Variants in CNTN3 observed in about 807,000 individuals in gnomAD.
CNTN3 encodes contactin 3.
CNTN3 carries 60 observed loss-of-function variants against 119.1 expected under a neutral mutation model. That is an observed-to-expected ratio of 0.50 (90% CI 0.41 to 0.62). CNTN3 has a LOEUF of 0.62. Among genes scored for constraint, CNTN3 ranks in the 20% least tolerant of loss-of-function variants. The pLI is 0.00. For synonymous variants in CNTN3, 450 were observed against 438.7 expected, an observed-to-expected ratio of 1.03 and a Z score of -0.32; for missense variants, 1,101 against 1,242.4, an observed-to-expected ratio of 0.89 and a Z score of 1.71.
chr3:74,502,347 C>T (rs1329845559), intron 2 of CNTN3, among the ~76,000 whole-genome samples: 3 of 152,042 alleles, frequency 2.0e-5, no homozygotes, highest in African/African-American at 7.2e-5. Context: ...CTCAAATGCC[C>T]ATCCTATCAT....
intron 20 of CNTN3, among the ~76,000 whole-genome samples, chr3:74,276,400 C>T (rs1001576590): frequency 6.6e-6 from 1 of 152,064 alleles, no homozygotes; most frequent in East Asian, 1.9e-4. Flanking sequence ...ATGAAATGAG[C>T]TTCAATAAAT....
chr3:74,342,016 A>T (rs1176999507), intron 11 of CNTN3, among the ~76,000 whole-genome samples: 25 of 152,294 alleles, frequency 1.6e-4, no homozygotes, highest in African/African-American at 5.3e-4. Flanking sequence ...TGTAGAAAAT[A>T]ACAAGGCTCT....
At chr3:74,523,238 G>A (rs1293782011) in intron 1 of CNTN3, among the ~76,000 whole-genome samples, 1 of 151,682 alleles carries the variant, frequency 6.6e-6, no homozygotes, top group African/African-American at 2.4e-5. Flanking sequence ...ATGCATTTGA[G>A]GAAACCGTGG....
At chr3:74,613,591 G>T (rs1705118889) in intron 1 of CNTN3, among the ~76,000 whole-genome samples, 1 of 152,156 alleles carries the variant, frequency 6.6e-6, no homozygotes, top group African/African-American at 2.4e-5. Context: ...GCAATACAGG[G>T]AAAGACATAC....
intron 5 of CNTN3, 94 bp downstream of exon 5, chr3:74,424,751 C>A: frequency 9.8e-7 from 1 of 1,018,056 alleles, no homozygotes; most frequent in South Asian, 1.4e-5. Flanking sequence ...TCAAGTTTCT[C>A]AGAGTAATTT....
At chr3:74,358,798 C>T (rs1362061844) in intron 11 of CNTN3, among the ~76,000 whole-genome samples, 2 of 127,562 alleles carry the variant, frequency 1.6e-5, no homozygotes, top group Non-Finnish European at 3.1e-5. Flanking sequence ...GTGTGATATT[C>T]CCCTTTCTGT....
At chr3:74,319,443 T>C (rs924600079) in intron 13 of CNTN3, among the ~76,000 whole-genome samples, 15 of 152,274 alleles carry the variant, frequency 9.9e-5, no homozygotes, top group African/African-American at 3.6e-4. Flanking sequence ...TAAATGGTGC[T>C]GGGAAAACTG....
At chr3:74,397,322 T>C (rs12495756) in intron 5 of CNTN3, among the ~76,000 whole-genome samples, 65,039 of 151,980 alleles carry the variant, frequency 0.43, 14,234 homozygotes, top group East Asian at 0.64. Context: ...TGTTCACTAA[T>C]GATGCACCCA....
At chr3:74,398,900 T>C (rs1057137835) in intron 5 of CNTN3, among the ~76,000 whole-genome samples, 2 of 152,220 alleles carry the variant, frequency 1.3e-5, no homozygotes, top group Non-Finnish European at 2.9e-5. Context: ...AATTGACACA[T>C]AATAATTGTA....
chr3:74,516,689 C>T (rs1357492481), intron 2 of CNTN3, among the ~76,000 whole-genome samples: 3 of 150,528 alleles, frequency 2.0e-5, no homozygotes, highest in Admixed American at 6.6e-5. Flanking sequence ...TTCTTAGGGG[C>T]CTGCCAGGCC....
intron 2 of CNTN3, among the ~76,000 whole-genome samples, chr3:74,512,056 C>T (rs1295630524): frequency 6.6e-6 from 1 of 152,054 alleles, no homozygotes; most frequent in East Asian, 1.9e-4. Flanking sequence ...GGAATGATAT[C>T]TATAATATAG....
chr3:74,285,198 C>G lies in CNTN3; in HGVS notation c.2704+107G>C. ...GGTTTTGGAGTTAGGTTTATATAAT[C>G]TAGTGAGATTAATGACTTGGGTTGT... is the stretch of plus-strand genomic sequence containing the variant. On this transcript the variant is annotated intron_variant, in intron 20 of 22. Coordinates refer to ENST00000263665, the MANE Select transcript of CNTN3 (RefSeq NM_020872.3). The G allele has an allele frequency of 3.3e-6, 4 of 1,214,140 alleles. No individual in the cohort carries two copies. The South Asian group carries it at 6.0e-5, about 18-fold the overall frequency. 75.2% of individuals were successfully genotyped at this position (1,214,140 alleles called of 1,614,324 possible).
intron 11 of CNTN3, among the ~76,000 whole-genome samples, chr3:74,345,864 T>C (rs1703677633): frequency 6.6e-6 from 1 of 152,252 alleles, no homozygotes; most frequent in Non-Finnish European, 1.5e-5. Context: ...AGTTGGTATA[T>C]ATTTTGTAAA....
chr3:74,301,372 C>G, intron 16 of CNTN3, 26 bp downstream of exon 16: 1 of 1,606,480 alleles, frequency 6.2e-7, no homozygotes, highest in Non-Finnish European at 8.5e-7. Flanking sequence ...TCTATTAATC[C>G]ATTACTCAGA....
intron 4 of CNTN3, among the ~76,000 whole-genome samples, chr3:74,458,482 T>A (rs575855295): frequency 6.6e-6 from 1 of 152,114 alleles, no homozygotes; most frequent in Non-Finnish European, 1.5e-5. Context: ...ATGAGTATAG[T>A]TTTATTGGAA....
Position 74,520,756 on chromosome 3 carries a change from T to A in CNTN3, c.55+302A>T, listed in dbSNP as rs1575805046. Among the ~76,000 whole-genome samples, 3 of 151,676 alleles carry A rather than the reference T, an allele frequency of 2.0e-5. No individual in the cohort carries two copies. In the South Asian group the frequency reaches 6.2e-4, roughly 31 times the overall value. Reference sequence around the variant, plus strand: ...TTTAAGTTCCTTTGGAAAAAAAATGTCACAAATTAACATGCTCAAATTTGA... The same window carrying A: ...TTTAAGTTCCTTTGGAAAAAAAATGACACAAATTAACATGCTCAAATTTGA... On this transcript the variant is annotated intron_variant, in intron 2 of 22. Transcript: ENST00000263665.
At chr3:74,455,035 T>C (rs1238235659) in intron 4 of CNTN3, among the ~76,000 whole-genome samples, 1 of 152,140 alleles carries the variant, frequency 6.6e-6, no homozygotes, top group Non-Finnish European at 1.5e-5. Context: ...CTTTATTTCC[T>C]GAATCTGAAT....
At chr3:74,291,055 C>T (rs1702221404) in intron 19 of CNTN3, among the ~76,000 whole-genome samples, 1 of 152,034 alleles carries the variant, frequency 6.6e-6, no homozygotes, top group African/African-American at 2.4e-5. Context: ...CCCCCTTCCC[C>T]CACCTCATGA....
intron 5 of CNTN3, among the ~76,000 whole-genome samples, chr3:74,402,327 A>AT (rs57626420): frequency 0.013 from 1,913 of 152,218 alleles, 33 homozygotes; most frequent in African/African-American, 0.044. Flanking sequence ...ACGATGGGCC[A>AT]TTTTTTTCTC....
Sources: gnomAD v4.1 joint callset for allele counts (sites outside exome capture counted in the v4.1 genomes callset) on GRCh38, gnomAD v4.1.1 for gene constraint, MANE v1.5 for transcripts, NCBI Gene and HGNC (gene_info 2026-07-23, HGNC 2026-07-21) for gene names.